The following SEC16A variants were observed in gnomAD, a reference collection of about 807,000 sequenced individuals.
SEC16A encodes the protein SEC16 homolog A, endoplasmic reticulum export factor.
A neutral mutation model predicts 221.9 loss-of-function variants in SEC16A; 110 were observed. The observed-to-expected ratio is 0.50, with a 90% confidence interval of 0.42 to 0.58. The LOEUF is 0.58. Among genes scored for constraint, SEC16A ranks in the 20% least tolerant of loss-of-function variants. SEC16A has a pLI of 0.00. For missense variants in SEC16A, 3,165 were observed against 3,097.8 expected, an observed-to-expected ratio of 1.02 and a Z score of -0.52; for synonymous variants, 1,393 against 1,257.7, an observed-to-expected ratio of 1.11 and a Z score of -2.28.
chr9:136,457,388 GC>G (rs1838827059), intron 18 of SEC16A, 55 bp downstream of exon 18: 1 of 1,537,942 alleles, frequency 6.5e-7, no homozygotes, highest in African/African-American at 1.4e-5. Context: ...GCTCTGGCAA[GC>G]CCTCCTTCCC....
intron 31 of SEC16A, among the ~76,000 whole-genome samples, chr9:136,442,445 T>G (rs1836323490): frequency 6.6e-6 from 1 of 152,140 alleles, no homozygotes; most frequent in Non-Finnish European, 1.5e-5. Context: ...AAGCCTGCAG[T>G]CAAGAGTGTG....
chr9:136,456,437 C>T (rs1245808992), intron 18 of SEC16A, among the ~76,000 whole-genome samples: 1 of 152,194 alleles, frequency 6.6e-6, no homozygotes, highest in East Asian at 1.9e-4. Flanking sequence ...AGACTACCAC[C>T]TGACCACGTG....
At chr9:136,472,843 C>T (rs534911289) in intron 3 of SEC16A, among the ~76,000 whole-genome samples, 2 of 152,228 alleles carry the variant, frequency 1.3e-5, no homozygotes, top group Non-Finnish European at 2.9e-5. Flanking sequence ...CATCCTTGGC[C>T]ACCCGGACAC....
chr9:136,476,026 G>A lies in SEC16A; in HGVS notation c.1590C>T (p.His530=), dbSNP rs371880421. Residue 530 remains histidine, a synonymous_variant, in exon 3 of 32, where the codon CAC becomes CAT. Coordinates refer to ENST00000684901, the MANE Select transcript of SEC16A (RefSeq NM_014866.2). ...GCCTGGCTGAGCCTGAGAGCCTTCC[G>A]TGGCTTCTGCTGCTATAGCTGGATG... ...SVSSSYSSRS[H]GRLSGSARPQ... is the part of the protein sequence containing the mutation. The A allele has an allele frequency of 1.4e-5, 23 of 1,613,160 alleles. No individual in the cohort carries two copies. Among genetic ancestry groups the A allele is most frequent in the Non-Finnish European group, 1.6e-5 (19 of 1,179,858 alleles).
At chr9:136,458,367 G>A (rs901680497) in intron 17 of SEC16A, among the ~76,000 whole-genome samples, 3 of 152,094 alleles carry the variant, frequency 2.0e-5, no homozygotes, top group Non-Finnish European at 4.4e-5. Flanking sequence ...GGTGGCTCAC[G>A]CCTGTCATCC....
Position 136,447,218 on chromosome 9 carries a change from G to A in SEC16A, c.6697+9C>T, listed in dbSNP as rs1255384406. ...CTGACCTGGAGGGGCTGGTGCTCGTGCTACCTACCTGGGGTTGGCACGAAC... is the reference window on the plus strand; with the variant it reads ...CTGACCTGGAGGGGCTGGTGCTCGTACTACCTACCTGGGGTTGGCACGAAC... On this transcript the variant is annotated intron_variant, in intron 27 of 31. Coordinates refer to ENST00000684901, the MANE Select transcript of SEC16A (RefSeq NM_014866.2). The surrounding 1 kb of genome is among the most constrained non-coding windows in gnomAD (Gnocchi z 5.5). The A allele has an allele frequency of 1.3e-6, 2 of 1,588,200 alleles. No homozygotes were observed. Among genetic ancestry groups the A allele is most frequent in the Admixed American group, 1.8e-5 (1 of 55,694 alleles).
In SEC16A at chr9:136,474,224, T is replaced by C. The variant is rs1435748869; in HGVS notation, c.3392A>G (p.Gln1131Arg). 6.2e-7 allele frequency: 1 copy of C among 1,610,290 alleles called. No individual in the cohort carries two copies. The highest frequency in any genetic ancestry group is 1.1e-5 in the South Asian group (1 of 90,800). Residue 1131 changes from glutamine (Q) to arginine (R), a missense_variant, in exon 3 of 32, where the codon CAG becomes CGG. Physicochemically the swap from Gln to Arg is conservative, Grantham distance 43. Coordinates refer to ENST00000684901, the MANE Select transcript of SEC16A (RefSeq NM_014866.2). ...SVSLVSSGSG[Q>R]AAVPSEQPWP... ...CGGCTGCTCTGACGGCACAGCTGCCTGGCCGGAGCCACTGGACACCAGAGA... is the reference window on the plus strand; with the variant it reads ...CGGCTGCTCTGACGGCACAGCTGCCCGGCCGGAGCCACTGGACACCAGAGA...
chr9:136,461,881 C>T (rs532020394), intron 12 of SEC16A, among the ~76,000 whole-genome samples: 5 of 151,044 alleles, frequency 3.3e-5, no homozygotes, highest in Middle Eastern at 6.8e-3. Flanking sequence ...CCAAGGTGGG[C>T]GGATTGCTTG....
At chr9:136,453,291 CTT>C in intron 22 of SEC16A, 135 bp downstream of exon 22, 1 of 618,694 alleles carries the variant, frequency 1.6e-6, no homozygotes, top group South Asian at 2.0e-5. Context: ...TTTAGAAGCA[CTT>C]TCACTTTAAG....
intron 2 of SEC16A, among the ~76,000 whole-genome samples, chr9:136,478,345 G>A (rs529422041): frequency 5.4e-4 from 81 of 148,718 alleles, no homozygotes; most frequent in Admixed American, 3.0e-3. Context: ...TGAGGCTGTC[G>A]TGAGCTATGA....
chr9:136,460,166 T>C (rs1408537248), intron 13 of SEC16A, 43 bp from the exon 14 acceptor site: 1 of 1,534,884 alleles, frequency 6.5e-7, no homozygotes, highest in Admixed American at 1.9e-5. Flanking sequence ...CTGGCTCAGC[T>C]AAAAGAAAAA....
In SEC16A at chr9:136,447,521, G is replaced by C; in HGVS notation, c.6559+48C>G. On this transcript the variant is annotated intron_variant, in intron 26 of 31. Coordinates refer to ENST00000684901, the MANE Select transcript of SEC16A (RefSeq NM_014866.2). The surrounding 1 kb of genome is among the most constrained non-coding windows in gnomAD (Gnocchi z 5.5). ...CAGCTACACATTGGCCTCTCTCTCT[G>C]GGACAGTTAATCGTTCAAGCAAGCT... 1 of 1,556,696 alleles carries C rather than the reference G, an allele frequency of 6.4e-7. No individual in the cohort carries two copies. Among genetic ancestry groups the C allele is most frequent in the African/African-American group, 1.4e-5 (1 of 74,038 alleles).
chr9:136,464,034 C>T lies in SEC16A; in HGVS notation c.4447-294G>A, dbSNP rs188151208. Among the ~76,000 whole-genome samples, 445 of 152,378 alleles carry T rather than the reference C, an allele frequency of 2.9e-3. 2 individuals carry two copies. The highest frequency in any genetic ancestry group is 0.01 in the African/African-American group (425 of 41,586). ...AGCCTGCAGAAGCTGCAGGAAGAGG[C>T]GCATGCCAGCCCCCGTCACCTCGGC... On this transcript the variant is annotated intron_variant, in intron 9 of 31. Coordinates refer to ENST00000684901, the MANE Select transcript of SEC16A (RefSeq NM_014866.2).
chr9:136,483,527 C>T (rs560326793), upstream of SEC16A: 782 of 985,154 alleles, frequency 7.9e-4, no homozygotes, highest in Non-Finnish European at 9.1e-4. Context: ...CCCCGCCCCT[C>T]GCCACCTGCC....
intron 28 of SEC16A, 76 bp downstream of exon 28, chr9:136,446,779 G>T: frequency 6.9e-7 from 1 of 1,445,228 alleles, no homozygotes; most frequent in Middle Eastern, 2.1e-4. Context: ...CTTGCAGAAG[G>T]CAAGGCCCTG....
intron 23 of SEC16A, chr9:136,448,894 A>G: frequency 1.4e-6 from 1 of 694,296 alleles, no homozygotes; most frequent in Non-Finnish European, 2.7e-6. Context: ...TTTCAAGGAG[A>G]CAGAGTTTCT....
chr9:136,483,617 A>G, upstream of SEC16A: 6 of 985,094 alleles, frequency 6.1e-6, no homozygotes, highest in Non-Finnish European at 7.2e-6. Flanking sequence ...TCGTTTTAAG[A>G]TGTGAGAAGA....
rs996146714 is a variant in SEC16A at position 136,440,783 on chromosome 9, A to G, written c.*972T>C. 1.3e-5 allele frequency: 2 copies of G among 152,446 alleles called. No homozygotes were observed. Among genetic ancestry groups the G allele is most frequent in the East Asian group, 1.9e-4 (1 of 5,342 alleles). 9.4% of individuals were successfully genotyped at this position (152,446 alleles called of 1,614,324 possible). On this transcript the variant is annotated 3_prime_UTR_variant, in exon 32 of 32. Transcript: ENST00000684901. ...CTCCCCAAGTGCTACCAACCTCTGAACCAACGTCCCCCAGGGGAGAAAGTG... is the reference window on the plus strand; with the variant it reads ...CTCCCCAAGTGCTACCAACCTCTGAGCCAACGTCCCCCAGGGGAGAAAGTG...
chr9:136,460,701 TAGG>T (rs1449269912), intron 13 of SEC16A, among the ~76,000 whole-genome samples: 1 of 151,658 alleles, frequency 6.6e-6, no homozygotes. Context: ...CCCTTGAGGC[TAGG>T]AGTTTTGAGA....
Sources: gnomAD v4.1 joint callset for allele counts (sites outside exome capture counted in the v4.1 genomes callset) on GRCh38, gnomAD v4.1.1 for gene constraint, Gnocchi (gnomAD v3.1) non-coding constraint, MANE v1.5 for transcripts, NCBI Gene and HGNC (gene_info 2026-07-23, HGNC 2026-07-21) for gene names.